The following FUT9 variants were observed in gnomAD, a reference collection of about 807,000 sequenced individuals.
The protein encoded by FUT9 is fucosyltransferase 9.
Under a neutral mutation model 29.7 loss-of-function variants are expected in FUT9, and 15 were observed. That is an observed-to-expected ratio of 0.51 (90% confidence interval 0.34 to 0.78). The LOEUF (loss-of-function observed/expected upper bound fraction) is 0.78. Ranked by LOEUF, FUT9 falls within the 30% of genes least tolerant of loss-of-function variation. FUT9 has a pLI of 0.01. For synonymous variants in FUT9, 169 were observed against 153.7 expected (o/e 1.10, Z -0.74); for missense variants, 319 against 425.4 (o/e 0.75, Z 2.20).
At chr6:96,142,797 T>G (rs1486469462) in intron 2 of FUT9, among the ~76,000 whole-genome samples, 1 of 152,108 alleles carries the variant, frequency 6.6e-6, no homozygotes, top group Admixed American at 6.5e-5. Context: ...TACAAACACT[T>G]TTGGACACTG....
At chr6:96,167,563 G>A (rs1356379582) in intron 2 of FUT9, among the ~76,000 whole-genome samples, 1 of 152,120 alleles carries the variant, frequency 6.6e-6, no homozygotes, top group African/African-American at 2.4e-5. Flanking sequence ...CTAGACATGT[G>A]GGACACTTCA....
intron 1 of FUT9, among the ~76,000 whole-genome samples, chr6:96,025,575 T>G (rs999037002): frequency 6.6e-6 from 1 of 151,672 alleles, no homozygotes; most frequent in South Asian, 2.1e-4. Context: ...AGCGAGGTCG[T>G]GGTACAGGGA....
chr6:96,065,629 T>A (rs1294126224), intron 1 of FUT9, among the ~76,000 whole-genome samples: 1 of 152,198 alleles, frequency 6.6e-6, no homozygotes, highest in African/African-American at 2.4e-5. Flanking sequence ...TTAAAAAAAA[T>A]TGTTAGCATT....
chr6:96,084,893 G>A (rs909497561), intron 1 of FUT9, among the ~76,000 whole-genome samples: 1 of 151,946 alleles, frequency 6.6e-6, no homozygotes, highest in Non-Finnish European at 1.5e-5. Flanking sequence ...TATGTTTCGT[G>A]TGTGTCTATT....
At chr6:96,040,588 G>A (rs1770442387) in intron 1 of FUT9, among the ~76,000 whole-genome samples, 1 of 152,126 alleles carries the variant, frequency 6.6e-6, no homozygotes, top group Non-Finnish European at 1.5e-5. Flanking sequence ...TAGTATCCTG[G>A]CAATCAAGTA....
chr6:96,058,259 G>T (rs532786280), intron 1 of FUT9, among the ~76,000 whole-genome samples: 1 of 152,112 alleles, frequency 6.6e-6, no homozygotes, highest in East Asian at 1.9e-4. Flanking sequence ...AGCATTCATT[G>T]TTCAAAGGGT....
intron 2 of FUT9, among the ~76,000 whole-genome samples, chr6:96,114,677 T>C (rs911001206): frequency 2.6e-5 from 4 of 151,860 alleles, no homozygotes; most frequent in Non-Finnish European, 5.9e-5. Context: ...AGAAAAGTAG[T>C]CTTTGTACAG....
chr6:96,198,437 G>T (rs917226907), intron 2 of FUT9, among the ~76,000 whole-genome samples: 1 of 152,058 alleles, frequency 6.6e-6, no homozygotes, highest in African/African-American at 2.4e-5. Context: ...TCCCTACAAA[G>T]GACATGAACT....
chr6:96,112,597 G>A (rs1437942579), intron 1 of FUT9, among the ~76,000 whole-genome samples: 1 of 152,032 alleles, frequency 6.6e-6, no homozygotes, highest in African/African-American at 2.4e-5. Flanking sequence ...TACTGCTTTA[G>A]GAAAGAAAAA....
intron 1 of FUT9, among the ~76,000 whole-genome samples, chr6:96,046,740 A>G (rs529044524): frequency 7.4e-4 from 112 of 152,354 alleles, no homozygotes; most frequent in African/African-American, 2.6e-3. Context: ...ATTAATGAAG[A>G]TATATGTTTT....
chr6:96,034,221 G>T (rs1428221616), intron 1 of FUT9, among the ~76,000 whole-genome samples: 1 of 151,564 alleles, frequency 6.6e-6, no homozygotes. Flanking sequence ...GGCAACCTCT[G>T]TACCAACTTG....
At chr6:96,138,114 C>A (rs1319926587) in intron 2 of FUT9, among the ~76,000 whole-genome samples, 1 of 152,126 alleles carries the variant, frequency 6.6e-6, no homozygotes, top group African/African-American at 2.4e-5. Context: ...CTTTCAGTGA[C>A]AAGCTACTAA....
chr6:96,134,203 T>A (rs1031989936), intron 2 of FUT9, among the ~76,000 whole-genome samples: 2 of 151,852 alleles, frequency 1.3e-5, no homozygotes, highest in African/African-American at 2.4e-5. Flanking sequence ...TAGAATAATA[T>A]TACTATTTAG....
intron 1 of FUT9, among the ~76,000 whole-genome samples, chr6:96,075,560 T>C (rs1018735555): frequency 6.6e-6 from 1 of 152,220 alleles, no homozygotes; most frequent in Non-Finnish European, 1.5e-5. Context: ...AACTTTTTAT[T>C]TCCTTAACTT....
chr6:96,061,763 T>C (rs191167623), intron 1 of FUT9, among the ~76,000 whole-genome samples: 1 of 152,314 alleles, frequency 6.6e-6, no homozygotes, highest in African/African-American at 2.4e-5. Flanking sequence ...TATACTGTAA[T>C]TCTTTCCTCT....
chr6:96,075,936 G>A (rs1346675584), intron 1 of FUT9, among the ~76,000 whole-genome samples: 2 of 152,160 alleles, frequency 1.3e-5, no homozygotes, highest in Non-Finnish European at 2.9e-5. Context: ...TGTTGTTAGA[G>A]TGGGCTTTGT....
intron 2 of FUT9, among the ~76,000 whole-genome samples, chr6:96,161,546 C>T (rs1424640025): frequency 1.3e-5 from 2 of 152,036 alleles, no homozygotes; most frequent in Admixed American, 6.6e-5. Flanking sequence ...GATAGATAAC[C>T]AAGTTGATTT....
intron 1 of FUT9, among the ~76,000 whole-genome samples, chr6:96,068,273 A>G (rs1412115389): frequency 6.6e-6 from 1 of 152,156 alleles, no homozygotes; most frequent in Non-Finnish European, 1.5e-5. Context: ...AGAAAAAAAG[A>G]CAGTAATATT....
intron 1 of FUT9, among the ~76,000 whole-genome samples, 189 bp from the exon 2 acceptor site, chr6:96,113,850 T>A (rs1181369482): frequency 5.1e-5 from 3 of 59,330 alleles, no homozygotes; most frequent in Non-Finnish European, 1.2e-4. Flanking sequence ...CGAGACTCCA[T>A]CTCAAAAAAA....
Sources: allele counts gnomAD v4.1 joint callset (sites outside exome capture counted in the v4.1 genomes callset), GRCh38; gene constraint gnomAD v4.1.1; transcripts MANE v1.5; gene names NCBI Gene and HGNC (gene_info 2026-07-23, HGNC 2026-07-21).